GCSAML: variants seen among roughly 807,000 people sequenced by gnomAD.
GCSAML encodes germinal center-associated signaling and motility-like protein.
Under a neutral mutation model 13.0 loss-of-function variants are expected in GCSAML, and 9 were observed. The ratio of observed to expected loss-of-function variants is 0.69; its 90% confidence interval spans 0.42 to 1.21. GCSAML has a LOEUF of 1.21. Among genes scored for constraint, GCSAML ranks in the 50% most tolerant of loss-of-function variants. GCSAML has a pLI of 0.00. For synonymous variants in GCSAML, 37 were observed against 52.9 expected (o/e 0.70, Z 1.31); for missense variants, 143 against 153.4 (o/e 0.93, Z 0.36).
intron 1 of GCSAML, among the ~76,000 whole-genome samples, chr1:247,551,556 G>C (rs771635507): frequency 2.8e-4 from 43 of 152,286 alleles, no homozygotes; most frequent in Admixed American, 7.2e-4. Flanking sequence ...GACACAGAGA[G>C]AAATAGACAA....
intron 1 of GCSAML, among the ~76,000 whole-genome samples, chr1:247,513,108 T>C (rs1203838875): frequency 2.0e-5 from 3 of 152,202 alleles, no homozygotes; most frequent in Non-Finnish European, 4.4e-5. Flanking sequence ...GCTGTGCCCA[T>C]AGCCGCCCCT....
At chr1:247,558,352 A>G (rs1024376092) in intron 2 of GCSAML, among the ~76,000 whole-genome samples, 11 of 152,252 alleles carry the variant, frequency 7.2e-5, no homozygotes, top group Admixed American at 4.6e-4. Context: ...AAACATATTT[A>G]CAGAAAGGAC....
intron 2 of GCSAML, chr1:247,533,882 C>T (rs908580146): frequency 6.6e-6 from 1 of 152,174 alleles, no homozygotes; most frequent in Admixed American, 6.5e-5. Context: ...CTCACTCCTA[C>T]GAAAGCAATC....
At chr1:247,567,190 G>A (rs1668415428) in intron 4 of GCSAML, among the ~76,000 whole-genome samples, 1 of 151,066 alleles carries the variant, frequency 6.6e-6, no homozygotes, top group Non-Finnish European at 1.5e-5. Context: ...TTTAAGTTCT[G>A]GGATACATGT....
At chr1:247,520,733 T>C (rs1666386159) in intron 1 of GCSAML, among the ~76,000 whole-genome samples, 1 of 152,204 alleles carries the variant, frequency 6.6e-6, no homozygotes, top group Non-Finnish European at 1.5e-5. Context: ...CAAATAGCTG[T>C]TTCTTCAAGC....
chr1:247,527,996 A>G lies in GCSAML; in HGVS notation c.-148+942A>G, dbSNP rs542976738. On this transcript the variant is annotated intron_variant, in intron 2 of 5. Coordinates refer to the GCSAML transcript ENST00000366489. This position sits in a 1 kb window ranked among gnomAD's most constrained non-coding sequence, Gnocchi z 4.6. ...AGATGAATGAGAACATGCAGTATTTAACTTTCTCAAAAATTTTATCTAATA... is the reference window on the plus strand; with the variant it reads ...AGATGAATGAGAACATGCAGTATTTGACTTTCTCAAAAATTTTATCTAATA... 1 of 152,242 alleles carries G rather than the reference A, an allele frequency of 6.6e-6. No homozygotes were observed. The highest frequency in any genetic ancestry group is 1.9e-4 in the East Asian group (1 of 5,172). The allele number at this position is 152,242 out of a possible 1,614,324, so 9.4% of individuals were successfully genotyped here.
chr1:247,549,004 C>T, upstream of GCSAML: 2 of 1,513,672 alleles, frequency 1.3e-6, no homozygotes, highest in Non-Finnish European at 1.8e-6. Context: ...TCCTTTCTGC[C>T]TCCCCTTTCG....
chr1:247,546,670 C>A (rs1475174315), upstream of GCSAML, among the ~76,000 whole-genome samples: 4 of 152,050 alleles, frequency 2.6e-5, no homozygotes, highest in Non-Finnish European at 5.9e-5. Flanking sequence ...TGAAAATGGT[C>A]TTTAAAACTG....
chr1:247,520,672 C>T (rs936568164), intron 1 of GCSAML, among the ~76,000 whole-genome samples: 2 of 152,050 alleles, frequency 1.3e-5, no homozygotes, highest in African/African-American at 4.8e-5. Context: ...TTTTTTACAG[C>T]CTCAAACTCT....
chr1:247,546,870 G>A (rs144084866), upstream of GCSAML, among the ~76,000 whole-genome samples: 3,377 of 150,892 alleles, frequency 0.022, 49 homozygotes, highest in Non-Finnish European at 0.033. Flanking sequence ...CAGGAGGATC[G>A]CTTCAACTCA....
At chr1:247,540,328 G>A (rs1255049798) in intron 2 of GCSAML, among the ~76,000 whole-genome samples, 2 of 152,214 alleles carry the variant, frequency 1.3e-5, no homozygotes, top group Non-Finnish European at 2.9e-5. Flanking sequence ...ACCACGCCCA[G>A]CCAGTTTCCA....
At chr1:247,528,217 AT>A (rs1303566294) in intron 2 of GCSAML, 1 of 133,008 alleles carries the variant, frequency 7.5e-6, no homozygotes, top group Non-Finnish European at 1.6e-5. Flanking sequence ...CCAAAATTGT[AT>A]AATTATTTTT....
chr1:247,571,604 C>T (rs1303452022), intron 4 of GCSAML, among the ~76,000 whole-genome samples: 2 of 152,124 alleles, frequency 1.3e-5, no homozygotes, highest in Admixed American at 6.5e-5. Flanking sequence ...TGTGGGTAAC[C>T]CAACCTTTCT....
chr1:247,573,122 C>A (rs1254759153), intron 4 of GCSAML, among the ~76,000 whole-genome samples: 1 of 152,186 alleles, frequency 6.6e-6, no homozygotes, highest in Non-Finnish European at 1.5e-5. Flanking sequence ...GGTGGTGGGA[C>A]CCACTGAGCA....
intron 2 of GCSAML, chr1:247,532,516 T>C (rs974336562): frequency 6.2e-7 from 1 of 1,610,666 alleles, no homozygotes; most frequent in Non-Finnish European, 8.5e-7. Context: ...CATCATTGTA[T>C]GCTGGGGGTG....
chr1:247,516,070 G>C (rs1180663916), intron 1 of GCSAML, among the ~76,000 whole-genome samples: 1 of 152,102 alleles, frequency 6.6e-6, no homozygotes, highest in East Asian at 1.9e-4. Flanking sequence ...AGGCAGGGTG[G>C]TACAATGAGT....
Position 247,575,632 on chromosome 1 carries a change from A to C in GCSAML, c.*1250A>C, listed in dbSNP as rs1668807775. On this transcript the variant is annotated 3_prime_UTR_variant, in exon 5 of 5. Coordinates refer to ENST00000366488, the MANE Select transcript of GCSAML (RefSeq NM_145278.5). Reference sequence around the variant, plus strand: ...ATTGAAAGTGTCACAAAATAAAAAAAGATGAAATGAAGCATATATAATTGT... The same window carrying C: ...ATTGAAAGTGTCACAAAATAAAAAACGATGAAATGAAGCATATATAATTGT... 2 of 152,246 alleles carry C rather than the reference A, an allele frequency of 1.3e-5. No homozygotes were observed. Among genetic ancestry groups the C allele is most frequent in the Non-Finnish European group, 2.9e-5 (2 of 68,048 alleles). 9.4% of individuals were successfully genotyped at this position (152,246 alleles called of 1,614,324 possible).
chr1:247,513,989 CTTTTT>C (rs1221778073), intron 1 of GCSAML, among the ~76,000 whole-genome samples: 1 of 148,324 alleles, frequency 6.7e-6, no homozygotes, highest in Admixed American at 6.7e-5. Context: ...CCCCCACCGC[CTTTTT>C]TTTTTAAGAT....
chr1:247,534,236 A>T (rs748412422), intron 2 of GCSAML, among the ~76,000 whole-genome samples: 27 of 152,294 alleles, frequency 1.8e-4, no homozygotes, highest in Non-Finnish European at 2.5e-4. Context: ...CCATGGAGCC[A>T]TAGTTTTATC....
Sources: gnomAD v4.1 joint callset for allele counts (sites outside exome capture counted in the v4.1 genomes callset) on GRCh38, gnomAD v4.1.1 for gene constraint, Gnocchi (gnomAD v3.1) non-coding constraint, MANE v1.5 for transcripts, NCBI Gene and HGNC (gene_info 2026-07-23, HGNC 2026-07-21) for gene names.